The following MYRIP variants were observed in gnomAD, a reference collection of about 807,000 sequenced individuals.
The protein encoded by MYRIP is rab effector MyRIP.
MYRIP carries 49 observed loss-of-function variants against 98.0 expected under a neutral mutation model. That is an observed-to-expected ratio of 0.50 (90% CI 0.40 to 0.63). The LOEUF (loss-of-function observed/expected upper bound fraction) is 0.63, where lower values mean the gene tolerates loss of function less well. Ranked by LOEUF, MYRIP falls within the 30% of genes least tolerant of loss-of-function variation. MYRIP has a pLI of 0.00. For synonymous variants in MYRIP, 404 were observed against 409.5 expected (o/e 0.99, Z 0.16); for missense variants, 1,004 against 1,058.2 (o/e 0.95, Z 0.71).
intron 2 of MYRIP, among the ~76,000 whole-genome samples, chr3:39,999,159 A>T (rs1559554976): frequency 1.3e-5 from 2 of 152,216 alleles, no homozygotes; most frequent in Admixed American, 1.3e-4. Context: ...AATGGCAACA[A>T]AAGCCAAAAT....
intron 3 of MYRIP, among the ~76,000 whole-genome samples, chr3:40,082,872 T>G (rs1384592312): frequency 6.6e-6 from 1 of 152,208 alleles, no homozygotes; most frequent in Non-Finnish European, 1.5e-5. Flanking sequence ...TAACTCCTTC[T>G]GTAATAAGAC....
chr3:39,993,109 AGCATCT>A (rs1334482051), intron 2 of MYRIP, among the ~76,000 whole-genome samples: 1 of 152,178 alleles, frequency 6.6e-6, no homozygotes, highest in Non-Finnish European at 1.5e-5. Flanking sequence ...TTGAGGGGTC[AGCATCT>A]GGTAAGGGCA....
In MYRIP at chr3:40,089,394, G is replaced by T. The variant is rs1449080152; in HGVS notation, c.332+45123G>T. ...CCATTATTTCAATTTTGTACCTGAA[G>T]AAATTGATGCATACAGAGGCTGTTA... On this transcript the variant is annotated intron_variant, in intron 3 of 16. Transcript: ENST00000302541. Among the ~76,000 whole-genome samples the T allele has an allele frequency of 2.0e-5, 3 of 152,154 alleles. No individual in the cohort carries two copies. In the South Asian group the frequency reaches 6.2e-4, roughly 32 times the overall value.
chr3:39,995,340 A>C (rs1272605063), intron 2 of MYRIP, among the ~76,000 whole-genome samples: 1 of 152,234 alleles, frequency 6.6e-6, no homozygotes. Context: ...AGAAGTCCTT[A>C]AAGGACCTGA....
At chr3:40,171,628 G>T (rs576252861) in intron 8 of MYRIP, among the ~76,000 whole-genome samples, 1 of 152,212 alleles carries the variant, frequency 6.6e-6, no homozygotes, top group African/African-American at 2.4e-5. Context: ...CACTCCTGGG[G>T]TAGGATTCTG....
At chr3:40,185,503 G>A (rs564667496) in intron 9 of MYRIP, among the ~76,000 whole-genome samples, 72 of 152,222 alleles carry the variant, frequency 4.7e-4, no homozygotes, top group African/African-American at 1.5e-3. Context: ...CTGATGGACC[G>A]GGAGACTGTG....
intron 3 of MYRIP, among the ~76,000 whole-genome samples, chr3:40,126,906 AC>A (rs1421420071): frequency 1.3e-5 from 2 of 152,218 alleles, no homozygotes; most frequent in African/African-American, 2.4e-5. Flanking sequence ...CAGGTGACAG[AC>A]CCAGTTGGAA....
intron 2 of MYRIP, among the ~76,000 whole-genome samples, chr3:39,953,990 G>A (rs1945092274): frequency 6.6e-6 from 1 of 152,192 alleles, no homozygotes; most frequent in Non-Finnish European, 1.5e-5. Context: ...TGAGGCTTGA[G>A]TAGGTAAACA....
intron 2 of MYRIP, among the ~76,000 whole-genome samples, chr3:40,007,246 C>A (rs1355413158): frequency 1.3e-5 from 2 of 152,098 alleles, no homozygotes; most frequent in Non-Finnish European, 2.9e-5. Flanking sequence ...GATCAGTTGT[C>A]AGAGGACCAT....
chr3:39,918,330 G>T (rs896018624), intron 2 of MYRIP, among the ~76,000 whole-genome samples: 6 of 152,146 alleles, frequency 3.9e-5, no homozygotes, highest in Admixed American at 3.9e-4. Context: ...GTTAGCAATG[G>T]CAGACTGTTA....
At chr3:40,188,731 C>T (rs1374602173) in intron 9 of MYRIP, among the ~76,000 whole-genome samples, 1 of 151,858 alleles carries the variant, frequency 6.6e-6, no homozygotes, top group Non-Finnish European at 1.5e-5. Flanking sequence ...GAGTCGAGAT[C>T]GTGCCATTGC....
At chr3:39,833,916 C>T (rs1335372496) in intron 1 of MYRIP, among the ~76,000 whole-genome samples, 1 of 152,150 alleles carries the variant, frequency 6.6e-6, no homozygotes, top group Non-Finnish European at 1.5e-5. Context: ...ATAATCCCAG[C>T]TACCTAGGAT....
At chr3:39,986,732 G>C (rs771919822) in intron 2 of MYRIP, among the ~76,000 whole-genome samples, 2 of 152,152 alleles carry the variant, frequency 1.3e-5, no homozygotes, top group Non-Finnish European at 2.9e-5. Flanking sequence ...CCGTGGGTAG[G>C]GGGTGGAGTG....
At chr3:40,053,693 C>T (rs1947833462) in intron 3 of MYRIP, among the ~76,000 whole-genome samples, 1 of 152,128 alleles carries the variant, frequency 6.6e-6, no homozygotes, top group Non-Finnish European at 1.5e-5. Context: ...TTACAATATC[C>T]TCAGGAAAAC....
At chr3:39,930,277 A>G (rs1420422937) in intron 2 of MYRIP, among the ~76,000 whole-genome samples, 1 of 151,864 alleles carries the variant, frequency 6.6e-6, no homozygotes, top group Non-Finnish European at 1.5e-5. Context: ...GTTTTGATTT[A>G]TATTTTCTTG....
intron 2 of MYRIP, among the ~76,000 whole-genome samples, chr3:39,910,314 A>G (rs978854662): frequency 1.3e-5 from 2 of 152,252 alleles, no homozygotes; most frequent in South Asian, 4.1e-4. Context: ...GAGTGAGACC[A>G]GTACCAAGGC....
chr3:40,052,015 ATCTTT>A (rs1224918963), intron 3 of MYRIP, among the ~76,000 whole-genome samples: 32 of 152,276 alleles, frequency 2.1e-4, no homozygotes, highest in African/African-American at 7.0e-4. Context: ...TGAAACATTT[ATCTTT>A]TCTTTGTGTT....
chr3:39,964,731 A>G (rs1470371230), intron 2 of MYRIP, among the ~76,000 whole-genome samples: 1 of 152,162 alleles, frequency 6.6e-6, no homozygotes. Flanking sequence ...TTTGAAGAAG[A>G]ACTTGGAATT....
intron 2 of MYRIP, among the ~76,000 whole-genome samples, chr3:40,021,829 T>C (rs1459456131): frequency 3.9e-5 from 6 of 152,254 alleles, no homozygotes; most frequent in African/African-American, 1.4e-4. Context: ...TACTTATCTT[T>C]TATTCAGAAA....
Sources: allele counts gnomAD v4.1 joint callset (sites outside exome capture counted in the v4.1 genomes callset), GRCh38; gene constraint gnomAD v4.1.1; transcripts MANE v1.5; gene names NCBI Gene and HGNC (gene_info 2026-07-23, HGNC 2026-07-21).